TMCO6: variants seen among roughly 807,000 people sequenced by gnomAD.
TMCO6 encodes the protein transmembrane and coiled-coil domains 6.
Under a neutral mutation model 61.8 loss-of-function variants are expected in TMCO6, and 47 were observed. That is an observed-to-expected ratio of 0.76 (90% CI 0.60 to 0.97). The LOEUF (loss-of-function observed/expected upper bound fraction) is 0.97, where lower values mean the gene tolerates loss of function less well. TMCO6 is among the 50% of genes least tolerant of loss of function. The pLI is 0.00. For missense variants in TMCO6, 557 were observed against 601.6 expected, an observed-to-expected ratio of 0.93 and a Z score of 0.78; for synonymous variants, 261 against 254.2, an observed-to-expected ratio of 1.03 and a Z score of -0.25.
downstream of TMCO6, chr5:140,645,513 A>G: frequency 6.3e-7 from 1 of 1,579,132 alleles, no homozygotes; most frequent in Non-Finnish European, 8.7e-7. Flanking sequence ...AGGAGAACAC[A>G]TTTTTTTCAC....
At chr5:140,639,429 TC>T, upstream of TMCO6, 1 of 1,300,842 alleles carries the variant, frequency 7.7e-7, no homozygotes, top group Non-Finnish European at 1.1e-6. Flanking sequence ...CCCCGCCTGT[TC>T]CCGCCCTGTG....
chr5:140,597,015 A>G, the TMCO6 span, among the ~76,000 whole-genome samples: 1 of 152,226 alleles, frequency 6.6e-6, no homozygotes, highest in Non-Finnish European at 1.5e-5. Context: ...ACAGGCTCCT[A>G]TAATTCTAAA....
the TMCO6 span, chr5:140,632,540 G>T: frequency 6.2e-7 from 1 of 1,614,184 alleles, no homozygotes; most frequent in African/African-American, 1.3e-5. This position sits in a 1 kb window ranked among gnomAD's most constrained non-coding sequence, Gnocchi z 6.2. Flanking sequence ...CGTTGCGTAG[G>T]CGCAAGCTGG....
chr5:140,632,914 G>A, the TMCO6 span: 4 of 1,614,184 alleles, frequency 2.5e-6, no homozygotes, highest in Non-Finnish European at 3.4e-6. This position sits in a 1 kb window ranked among gnomAD's most constrained non-coding sequence, Gnocchi z 6.2. Context: ...AGCTCACAAG[G>A]TTCTGGCGTG....
the TMCO6 span, among the ~76,000 whole-genome samples, chr5:140,602,417 G>T: frequency 6.6e-6 from 1 of 152,124 alleles, no homozygotes; most frequent in African/African-American, 2.4e-5. Context: ...GTTTCATTTC[G>T]TCTTTTTGAA....
rs115581578 is a variant in TMCO6 at position 140,639,667 on chromosome 5, C to T, written c.85+55C>T. The stretch of plus-strand genomic sequence containing the variant: ...TATGGCGGTCGGGGATAAGTTGAGA[C>T]CCCAGGCTCGGAGCCGCGGGTTCTG... On this transcript the variant is annotated intron_variant, in intron 1 of 11. Coordinates refer to ENST00000394671, the MANE Select transcript of TMCO6 (RefSeq NM_018502.5). 7,047 of 1,542,392 alleles carry T rather than the reference C, an allele frequency of 4.6e-3. 22 individuals carry two copies. The highest frequency in any genetic ancestry group is 5.5e-3 in the Non-Finnish European group (6,228 of 1,140,326).
the TMCO6 span, among the ~76,000 whole-genome samples, chr5:140,622,813 C>A: frequency 6.6e-6 from 1 of 151,690 alleles, no homozygotes; most frequent in Admixed American, 6.6e-5. Context: ...AAACTACAAG[C>A]AAGCATCTGA....
At chr5:140,612,353 T>TTC in the TMCO6 span, among the ~76,000 whole-genome samples, 2 of 136,720 alleles carry the variant, frequency 1.5e-5, no homozygotes, top group Non-Finnish European at 3.2e-5. Context: ...TTTTTTTTTT[T>TTC]TTTTGAGACG....
intron 4 of TMCO6, 82 bp from the exon 5 acceptor site, chr5:140,642,233 C>G: frequency 7.0e-7 from 1 of 1,423,390 alleles, no homozygotes; most frequent in South Asian, 1.3e-5. Context: ...TCCAGCGTCC[C>G]CATCACCTCC....
chr5:140,639,649 G>C (rs1756889204), intron 1 of TMCO6, 37 bp downstream of exon 1: 1 of 1,539,814 alleles, frequency 6.5e-7, no homozygotes, highest in Admixed American at 2.0e-5. Flanking sequence ...GTATATGGCG[G>C]TCGGGGATAA....
Position 140,639,468 on chromosome 5 carries a change from C to T in TMCO6, c.-60C>T. Reference sequence around the variant, plus strand: ...GAGGCTGCGCAGTCGGTGCCATCTTCTACGCCCCTGGGAGCGTTGTGGCTG... The same window carrying T: ...GAGGCTGCGCAGTCGGTGCCATCTTTTACGCCCCTGGGAGCGTTGTGGCTG... On this transcript the variant is annotated 5_prime_UTR_variant, in exon 1 of 12. Coordinates refer to ENST00000394671, the MANE Select transcript of TMCO6 (RefSeq NM_018502.5). 2 of 1,512,792 alleles carry T rather than the reference C, an allele frequency of 1.3e-6. No homozygotes were observed. Among genetic ancestry groups the T allele is most frequent in the Non-Finnish European group, 1.8e-6 (2 of 1,114,316 alleles). The allele number at this position is 1,512,792 out of a possible 1,614,324, so 93.7% of individuals were successfully genotyped here.
chr5:140,632,413 G>A, the TMCO6 span: 1 of 1,614,184 alleles, frequency 6.2e-7, no homozygotes, highest in Non-Finnish European at 8.5e-7. This position sits in a 1 kb window ranked among gnomAD's most constrained non-coding sequence, Gnocchi z 6.2. Flanking sequence ...GGGAAGGCGC[G>A]AACCTGTTCG....
chr5:140,622,419 A>T, the TMCO6 span, among the ~76,000 whole-genome samples: 2 of 152,194 alleles, frequency 1.3e-5, no homozygotes, highest in African/African-American at 4.8e-5. Context: ...GCTCAAGTTT[A>T]TTCCTCCAGC....
At chr5:140,619,145 T>C in the TMCO6 span, among the ~76,000 whole-genome samples, 15 of 152,192 alleles carry the variant, frequency 9.9e-5, no homozygotes, top group South Asian at 8.3e-4. Flanking sequence ...CAACTTGATT[T>C]GATTAAAAAA....
chr5:140,631,812 G>A, the TMCO6 span: 1 of 1,507,956 alleles, frequency 6.6e-7, no homozygotes, highest in South Asian at 1.3e-5. Flanking sequence ...GGACTCCCCT[G>A]AAGCCAAGGC....
the TMCO6 span, among the ~76,000 whole-genome samples, chr5:140,599,123 C>G: frequency 6.6e-6 from 1 of 152,184 alleles, no homozygotes. Flanking sequence ...CAAAACAGTT[C>G]TTGTTGGCAT....
At chr5:140,613,088 G>A in the TMCO6 span, among the ~76,000 whole-genome samples, 1 of 152,076 alleles carries the variant, frequency 6.6e-6, no homozygotes, top group African/African-American at 2.4e-5. Context: ...ATGATGTTAG[G>A]ATAGAAATGA....
chr5:140,639,226 A>C (rs1756862145), upstream of TMCO6: 1 of 346,002 alleles, frequency 2.9e-6, no homozygotes, highest in Non-Finnish European at 5.4e-6. Flanking sequence ...GGCTTGGGTC[A>C]CTCGAGGTCA....
chr5:140,634,878 G>C (rs1756731622), upstream of TMCO6, among the ~76,000 whole-genome samples: 2 of 152,116 alleles, frequency 1.3e-5, no homozygotes, highest in South Asian at 4.1e-4. Flanking sequence ...CGCCTCCCAG[G>C]TTCCAGCAAT....
Sources: allele counts gnomAD v4.1 joint callset (sites outside exome capture counted in the v4.1 genomes callset), GRCh38; gene constraint gnomAD v4.1.1; non-coding constraint Gnocchi (gnomAD v3.1); transcripts MANE v1.5; gene names NCBI Gene and HGNC (gene_info 2026-07-23, HGNC 2026-07-21).